Variants in UBE2E2 observed in about 807,000 individuals in gnomAD.
UBE2E2 encodes the protein ubiquitin-conjugating enzyme E2 E2.
Under a neutral mutation model 24.7 loss-of-function variants are expected in UBE2E2, and 6 were observed. The ratio of observed to expected loss-of-function variants is 0.24; its 90% CI spans 0.13 to 0.48. The LOEUF is 0.48. Ranked by LOEUF, UBE2E2 falls within the 20% of genes least tolerant of loss-of-function variation. The pLI is 0.99. For missense variants in UBE2E2, 169 were observed against 245.0 expected, an observed-to-expected ratio of 0.69 and a Z score of 2.07; for synonymous variants, 104 against 83.6, an observed-to-expected ratio of 1.24 and a Z score of -1.33.
intron 3 of UBE2E2, among the ~76,000 whole-genome samples, chr3:23,481,563 T>G (rs1307904162): frequency 6.6e-6 from 1 of 152,244 alleles, no homozygotes; most frequent in Admixed American, 6.5e-5. Flanking sequence ...GGTTAGGGAT[T>G]GGTCTTTCCA....
chr3:23,365,994 C>CA (rs2125336019), intron 3 of UBE2E2, among the ~76,000 whole-genome samples: 1 of 152,168 alleles, frequency 6.6e-6, no homozygotes, highest in Non-Finnish European at 1.5e-5. Context: ...ACAAAGTCGA[C>CA]AAAAACAAGC....
At chr3:23,532,006 G>C (rs1695133410) in intron 4 of UBE2E2, among the ~76,000 whole-genome samples, 2 of 148,230 alleles carry the variant, frequency 1.3e-5, no homozygotes, top group South Asian at 4.2e-4. Context: ...AGGTTGCAGT[G>C]AGCAAAGATC....
chr3:23,493,263 T>C (rs184204839), intron 3 of UBE2E2, among the ~76,000 whole-genome samples: 257 of 152,344 alleles, frequency 1.7e-3, no homozygotes, highest in African/African-American at 5.6e-3. Flanking sequence ...AAGCATCTTA[T>C]GATCTTTAAG....
chr3:23,396,331 G>GTATATATATA (rs58629417), intron 3 of UBE2E2, among the ~76,000 whole-genome samples: 2 of 143,088 alleles, frequency 1.4e-5, no homozygotes, highest in East Asian at 2.0e-4. Context: ...ATATATATAC[G>GTATATATATA]TATATATATA....
intron 3 of UBE2E2, among the ~76,000 whole-genome samples, chr3:23,294,349 A>G (rs1698850178): frequency 6.6e-6 from 1 of 152,082 alleles, no homozygotes; most frequent in Admixed American, 6.6e-5. Flanking sequence ...TCTTGTATAT[A>G]TGGTCAGTTA....
In UBE2E2 at chr3:23,583,340, T is replaced by G. The variant is rs1405370237; in HGVS notation, c.509-6394T>G. 6.6e-6 allele frequency among the ~76,000 whole-genome samples: 1 copy of G among 152,274 alleles called. No individual in the cohort carries two copies. The highest frequency in any genetic ancestry group is 6.5e-5 in the Admixed American group (1 of 15,294). ...TGTTTTGGTTACTATAGCCTTGTAG[T>G]ATGCTTTGAAGTCAGGTCATGTGAT... On this transcript the variant is annotated intron_variant, in intron 5 of 5. Transcript: ENST00000396703. This position sits in a 1 kb window ranked among gnomAD's most constrained non-coding sequence, Gnocchi z 4.1.
chr3:23,238,102 A>G (rs1697165104), intron 3 of UBE2E2, among the ~76,000 whole-genome samples: 1 of 152,170 alleles, frequency 6.6e-6, no homozygotes. Context: ...TCTTGACTTT[A>G]GTTTATAATC....
At chr3:23,336,857 T>G (rs1488266581) in intron 3 of UBE2E2, among the ~76,000 whole-genome samples, 1 of 152,058 alleles carries the variant, frequency 6.6e-6, no homozygotes, top group South Asian at 2.1e-4. Context: ...TTTGGCTGAT[T>G]GGCCGGGTGC....
chr3:23,411,255 C>G (rs1697489631), intron 3 of UBE2E2, among the ~76,000 whole-genome samples: 1 of 152,150 alleles, frequency 6.6e-6, no homozygotes, highest in Non-Finnish European at 1.5e-5. Context: ...AAGTCAGAAG[C>G]AGTTTGGCTG....
At chr3:23,323,549 A>G (rs752973795) in intron 3 of UBE2E2, 59 of 452,922 alleles carry the variant, frequency 1.3e-4, no homozygotes, top group Non-Finnish European at 2.1e-4. Context: ...TGCTCATTCA[A>G]TTCTCAATTG....
At chr3:23,485,344 C>T (rs1699342267) in intron 3 of UBE2E2, among the ~76,000 whole-genome samples, 1 of 152,110 alleles carries the variant, frequency 6.6e-6, no homozygotes, top group Non-Finnish European at 1.5e-5. Context: ...GATCCACCCA[C>T]CTCGGTCCTC....
rs74529798 is a variant in UBE2E2, at chr3:23,271,145, A to C, written c.227+53833A>C. 9.8e-5 allele frequency: 41 copies of C among 418,496 alleles called. 2 individuals are homozygous for C. In the East Asian group the frequency reaches 2.9e-3, roughly 29 times the overall value. The allele number at this position is 418,496 out of a possible 1,614,324, so 25.9% of individuals were successfully genotyped here. A position where few individuals can be genotyped will look rare whatever the true frequency, so the allele number is the denominator to read the frequency against. ...GAAACTTGTATTCTAATGGACCTTCAAAAGATGGCAAGTATTGTGTCTGGA... is the reference window on the plus strand; with the variant it reads ...GAAACTTGTATTCTAATGGACCTTCCAAAGATGGCAAGTATTGTGTCTGGA... On this transcript the variant is annotated intron_variant, in intron 3 of 5. Transcript: ENST00000396703.
chr3:23,299,564 G>A (rs965769887), intron 3 of UBE2E2, among the ~76,000 whole-genome samples: 6 of 152,162 alleles, frequency 3.9e-5, no homozygotes, highest in African/African-American at 1.4e-4. Flanking sequence ...TCAGGAGCAG[G>A]TTGTTCAGTT....
chr3:23,280,800 C>T lies in UBE2E2; in HGVS notation c.227+63488C>T, dbSNP rs983319249. 5.3e-5 allele frequency among the ~76,000 whole-genome samples: 8 copies of T among 152,176 alleles called. No individual in the cohort carries two copies. Among genetic ancestry groups the T allele is most frequent in the Admixed American group, 5.2e-4 (8 of 15,272 alleles). ...ATTCTGCTTTTTTCCATGAATGTTG[C>T]CTTCTCTCGTGTTTCACATTCAGAA... On this transcript the variant is annotated intron_variant, in intron 3 of 5. Coordinates refer to ENST00000396703, the MANE Select transcript of UBE2E2 (RefSeq NM_152653.4). This position sits in a 1 kb window ranked among gnomAD's most constrained non-coding sequence, Gnocchi z 4.3.
At chr3:23,325,789 G>C (rs1694874280) in intron 3 of UBE2E2, among the ~76,000 whole-genome samples, 1 of 152,212 alleles carries the variant, frequency 6.6e-6, no homozygotes, top group East Asian at 1.9e-4. Context: ...GTAGAGGAGA[G>C]ACCATTATAA....
chr3:23,216,656 CATG>C (rs1696484537), intron 2 of UBE2E2, among the ~76,000 whole-genome samples: 3 of 152,104 alleles, frequency 2.0e-5, no homozygotes, highest in South Asian at 2.1e-4. Flanking sequence ...GAATGTAACA[CATG>C]AGGATAGAGC....
chr3:23,246,387 ATTTTTTTTT>A lies in UBE2E2; in HGVS notation c.227+29088_227+29096del, dbSNP rs35802594. Among the ~76,000 whole-genome samples the A allele has an allele frequency of 3.2e-3, 389 of 122,484 alleles. 1 individual carries two copies. Among genetic ancestry groups the A allele is most frequent in the African/African-American group, 0.011 (347 of 31,718 alleles). The allele number at this position is 122,484 out of a possible 152,430, so 80.4% of individuals were successfully genotyped here. Reference sequence around the variant, plus strand: ...AGGCGCCCGCCACCATGCCTGGCTAATTTTTTTTTTTTTTTTTTTTTGTATTTTTAGTAG... The same window carrying A: ...AGGCGCCCGCCACCATGCCTGGCTAATTTTTTTTTTTTGTATTTTTAGTAG... On this transcript the variant is annotated intron_variant, in intron 3 of 5. Transcript: ENST00000396703.
At chr3:23,207,991 ACT>A (rs1696197444) in intron 1 of UBE2E2, among the ~76,000 whole-genome samples, 1 of 149,738 alleles carries the variant, frequency 6.7e-6, no homozygotes, top group Non-Finnish European at 1.5e-5. Flanking sequence ...ACTCTTCACT[ACT>A]CTCCCCTCAC....
chr3:23,311,514 G>C (rs1296279202), intron 3 of UBE2E2, among the ~76,000 whole-genome samples: 1 of 152,178 alleles, frequency 6.6e-6, no homozygotes, highest in Non-Finnish European at 1.5e-5. Flanking sequence ...AATAAAATAT[G>C]GAGAACCATT....
Sources: gnomAD v4.1 joint callset for allele counts (sites outside exome capture counted in the v4.1 genomes callset) on GRCh38, gnomAD v4.1.1 for gene constraint, Gnocchi (gnomAD v3.1) non-coding constraint, MANE v1.5 for transcripts, NCBI Gene and HGNC (gene_info 2026-07-23, HGNC 2026-07-21) for gene names.